The following GABRA2 variants were observed in gnomAD, a reference collection of about 807,000 sequenced individuals.
GABRA2 encodes gamma-aminobutyric acid receptor subunit alpha-2.
GABRA2 carries 16 observed loss-of-function variants against 48.7 expected under a neutral mutation model. The ratio of observed to expected loss-of-function variants is 0.33; its 90% CI spans 0.22 to 0.50. The LOEUF (loss-of-function observed/expected upper bound fraction) is 0.50, where lower values mean the gene tolerates loss of function less well. Among genes scored for constraint, GABRA2 ranks in the 20% least tolerant of loss-of-function variants. GABRA2 has a pLI of 0.98. For synonymous variants in GABRA2, 185 were observed against 184.5 expected (o/e 1.00, Z -0.02); for missense variants, 275 against 535.6 (o/e 0.51, Z 4.80).
intron 3 of GABRA2, among the ~76,000 whole-genome samples, chr4:46,377,464 G>A (rs1467008158): frequency 5.4e-5 from 7 of 129,712 alleles, no homozygotes; most frequent in East Asian, 2.7e-4. Context: ...CCTGGCAACC[G>A]CCCCGTCTGA....
chr4:46,327,646 C>A (rs902992332), intron 4 of GABRA2, among the ~76,000 whole-genome samples: 1 of 152,010 alleles, frequency 6.6e-6, no homozygotes, highest in Non-Finnish European at 1.5e-5. Context: ...AAACTCACAA[C>A]TCTCTAAACT....
At chr4:46,301,806 C>T (rs1382814693) in intron 8 of GABRA2, among the ~76,000 whole-genome samples, 1 of 152,166 alleles carries the variant, frequency 6.6e-6, no homozygotes, top group Non-Finnish European at 1.5e-5. Flanking sequence ...ATTGAATTCA[C>T]TGACTATATT....
intron 9 of GABRA2, among the ~76,000 whole-genome samples, chr4:46,259,404 C>T (rs910494842): frequency 3.3e-5 from 5 of 151,836 alleles, no homozygotes; most frequent in African/African-American, 1.2e-4. Context: ...CCTGCCCAAG[C>T]TCACAGAGCA....
intron 3 of GABRA2, among the ~76,000 whole-genome samples, chr4:46,353,065 A>G (rs1243335455): frequency 1.3e-5 from 2 of 152,164 alleles, no homozygotes; most frequent in East Asian, 1.9e-4. Context: ...AAGAAGTACA[A>G]GTGTGTTCAC....
chr4:46,290,894 T>C (rs1723494850), intron 8 of GABRA2, among the ~76,000 whole-genome samples: 1 of 152,180 alleles, frequency 6.6e-6, no homozygotes, highest in Non-Finnish European at 1.5e-5. Flanking sequence ...TATAGTATAT[T>C]GATTGCCTTT....
rs142268586 is a variant in GABRA2 at position 46,312,678 on chromosome 4, T to C, written c.294A>G (p.Lys98=). Residue 98 remains lysine, a synonymous_variant, in exon 5 of 10, where the codon AAA becomes AAG. Coordinates refer to ENST00000381620, the MANE Select transcript of GABRA2 (RefSeq NM_000807.4). ...GACCTTTAAATTTTAAACGTTCATCTTTCCATTTTTGTCGAAAGAAAACAT... is the reference window on the plus strand; with the variant it reads ...GACCTTTAAATTTTAAACGTTCATCCTTCCATTTTTGTCGAAAGAAAACAT... ...TIDVFFRQKW[K]DERLKFKGPM... is the part of the protein sequence containing the mutation. The C allele has an allele frequency of 1.1e-5, 17 of 1,523,856 alleles. No homozygotes were observed. The highest frequency in any genetic ancestry group is 1.4e-5 in the African/African-American group (1 of 70,010). 94.4% of individuals were successfully genotyped at this position (1,523,856 alleles called of 1,614,324 possible).
chr4:46,298,137 C>T (rs1560494809), intron 8 of GABRA2, among the ~76,000 whole-genome samples: 2 of 151,992 alleles, frequency 1.3e-5, no homozygotes, highest in South Asian at 4.1e-4. Flanking sequence ...ATTGAGAATT[C>T]CTTATAGCCT....
At chr4:46,360,024 C>A (rs1263343064) in intron 3 of GABRA2, among the ~76,000 whole-genome samples, 1 of 152,148 alleles carries the variant, frequency 6.6e-6, no homozygotes, top group Non-Finnish European at 1.5e-5. Flanking sequence ...GGGATTACTC[C>A]TCCTGTGCTA....
intron 7 of GABRA2, among the ~76,000 whole-genome samples, chr4:46,303,954 A>G (rs1726190830): frequency 6.6e-6 from 1 of 152,212 alleles, no homozygotes; most frequent in Admixed American, 6.5e-5. Flanking sequence ...ATCAAAATAT[A>G]TAAAATCTAA....
rs1713995591 is a variant in GABRA2, at chr4:46,247,851, A to T, written c.*2457T>A. Among the ~76,000 whole-genome samples the T allele has an allele frequency of 6.6e-6, 1 of 151,272 alleles. No homozygotes were observed. The highest frequency in any genetic ancestry group is 2.1e-4 in the South Asian group (1 of 4,828). On this transcript the variant is annotated 3_prime_UTR_variant, in exon 10 of 10. Transcript: ENST00000381620. Reference sequence around the variant, plus strand: ...AAGAAGCTCCTTTTGATTTATTTAAACATTAAAAGAAGAAGAAATATGTAA... The same window carrying T: ...AAGAAGCTCCTTTTGATTTATTTAATCATTAAAAGAAGAAGAAATATGTAA...
In GABRA2 at chr4:46,249,581, C is replaced by A. The variant is rs968062224; in HGVS notation, c.*727G>T. The A allele has an allele frequency of 6.0e-5, 9 of 151,200 alleles. No homozygotes were observed. Among genetic ancestry groups the A allele is most frequent in the African/African-American group, 2.2e-4 (9 of 41,336 alleles). The allele number at this position is 151,200 out of a possible 1,614,324, so 9.4% of individuals were successfully genotyped here. On this transcript the variant is annotated 3_prime_UTR_variant, in exon 10 of 10. Transcript: ENST00000381620. ...TCTTTTTTTTTAATTAAGGTAGTTT[C>A]CAATGATTAAAATAAATTGTAGGAT...
chr4:46,330,966 A>G (rs1731256891), intron 4 of GABRA2, among the ~76,000 whole-genome samples: 1 of 152,116 alleles, frequency 6.6e-6, no homozygotes, highest in African/African-American at 2.4e-5. Context: ...AATTATATCT[A>G]TAGCCAAACA....
At chr4:46,337,932 T>A (rs1217539492) in intron 3 of GABRA2, among the ~76,000 whole-genome samples, 1 of 152,014 alleles carries the variant, frequency 6.6e-6, no homozygotes, top group Non-Finnish European at 1.5e-5. Flanking sequence ...ATAGCTGAAC[T>A]GTACTGGATA....
chr4:46,348,780 TG>T (rs1734611514), intron 3 of GABRA2, among the ~76,000 whole-genome samples: 2 of 34,566 alleles, frequency 5.8e-5, no homozygotes, highest in Admixed American at 9.4e-4. Flanking sequence ...TGTTGTGGGG[TG>T]GGGGGAGGGG....
At chr4:46,275,388 T>A (rs1013168145) in intron 8 of GABRA2, among the ~76,000 whole-genome samples, 25 of 152,148 alleles carry the variant, frequency 1.6e-4, no homozygotes, top group African/African-American at 5.6e-4. Context: ...TCTATTGTGA[T>A]TCACATCAAA....
At chr4:46,376,234 A>G (rs1715680055) in intron 3 of GABRA2, among the ~76,000 whole-genome samples, 1 of 152,236 alleles carries the variant, frequency 6.6e-6, no homozygotes, top group African/African-American at 2.4e-5. Flanking sequence ...TGAATAGTTT[A>G]CTGGCCAATC....
chr4:46,385,374 A>G (rs1392067219), intron 3 of GABRA2, among the ~76,000 whole-genome samples: 1 of 151,828 alleles, frequency 6.6e-6, no homozygotes, highest in African/African-American at 2.4e-5. Context: ...TAGCCAAGCC[A>G]AATTTTCTTT....
At chr4:46,371,557 T>C (rs1211659019) in intron 3 of GABRA2, among the ~76,000 whole-genome samples, 2 of 151,926 alleles carry the variant, frequency 1.3e-5, no homozygotes, top group Non-Finnish European at 2.9e-5. Context: ...TATTACAGAT[T>C]AGTTTTAATT....
chr4:46,261,066 T>G (rs182869472), intron 9 of GABRA2: 65 of 152,028 alleles, frequency 4.3e-4, no homozygotes, highest in African/African-American at 1.5e-3. Flanking sequence ...TGAATACAAC[T>G]TTTTACCATT....
Sources: gnomAD v4.1 joint callset for allele counts (sites outside exome capture counted in the v4.1 genomes callset) on GRCh38, gnomAD v4.1.1 for gene constraint, MANE v1.5 for transcripts, NCBI Gene and HGNC (gene_info 2026-07-23, HGNC 2026-07-21) for gene names.